The following DCDC2 variants were observed in gnomAD, a reference collection of about 807,000 sequenced individuals.
The protein encoded by DCDC2 is doublecortin domain containing 2.
A neutral mutation model predicts 50.2 loss-of-function variants in DCDC2; 40 were observed. The observed-to-expected ratio is 0.80, with a 90% confidence interval of 0.62 to 1.04. The LOEUF is 1.04. Among genes scored for constraint, DCDC2 ranks in the 50% least tolerant of loss-of-function variants. The pLI, the probability that DCDC2 is intolerant of heterozygous loss-of-function variation, is 0.00. For missense variants in DCDC2, 570 were observed against 581.9 expected (o/e 0.98, Z 0.21); for synonymous variants, 234 against 210.6 (o/e 1.11, Z -0.96).
chr6:24,190,737 T>C lies in DCDC2; in HGVS notation c.1024-12105A>G, dbSNP rs909805579. Among the ~76,000 whole-genome samples the C allele has an allele frequency of 6.6e-5, 10 of 152,344 alleles. No homozygotes were observed. The East Asian group carries it at 1.9e-3, about 29-fold the overall frequency. On this transcript the variant is annotated intron_variant, in intron 8 of 9. Transcript: ENST00000378454. ...ATAGATAAATTAAGAACTCTGATCA[T>C]TCTCATTCTAACCCTTCCAGCCATG...
chr6:24,359,223 T>TATATAA (rs1760589470), upstream of DCDC2, among the ~76,000 whole-genome samples: 5 of 63,216 alleles, frequency 7.9e-5, no homozygotes, highest in African/African-American at 1.6e-4. Flanking sequence ...ATTATATATT[T>TATATAA]TATATATTTT....
At chr6:24,287,442 G>T (rs145369668) in intron 6 of DCDC2, among the ~76,000 whole-genome samples, 257 of 152,256 alleles carry the variant, frequency 1.7e-3, no homozygotes, top group Non-Finnish European at 3.0e-3. Context: ...TGCAACCTCT[G>T]CCTTCAATGG....
chr6:24,311,556 G>C (rs564535028), intron 2 of DCDC2, among the ~76,000 whole-genome samples: 3 of 152,242 alleles, frequency 2.0e-5, no homozygotes, highest in East Asian at 3.9e-4. Context: ...TTCTAAGGTA[G>C]TTATTTTCTA....
At chr6:24,377,480 G>A in the DCDC2 span, among the ~76,000 whole-genome samples, 1 of 152,088 alleles carries the variant, frequency 6.6e-6, no homozygotes, top group Admixed American at 6.5e-5. Flanking sequence ...ATTTCATAAA[G>A]ATGGTCTCAA....
intron 2 of DCDC2, among the ~76,000 whole-genome samples, chr6:24,311,652 G>A (rs992642746): frequency 6.6e-6 from 1 of 152,086 alleles, no homozygotes; most frequent in African/African-American, 2.4e-5. Context: ...ACCTTATGAG[G>A]CTACCATTAC....
At chr6:24,285,844 T>C (rs1763594619) in intron 6 of DCDC2, among the ~76,000 whole-genome samples, 1 of 152,178 alleles carries the variant, frequency 6.6e-6, no homozygotes, top group South Asian at 2.1e-4. Context: ...ACTTTCCCTG[T>C]GACTTGGGAT....
the DCDC2 span, among the ~76,000 whole-genome samples, chr6:24,371,256 G>A: frequency 2.8e-3 from 397 of 139,698 alleles, 1 homozygote; most frequent in African/African-American, 0.01. Flanking sequence ...CAGCCTGGGC[G>A]ACAGTGTGAC....
At chr6:24,362,842 C>T (rs1042779953), upstream of DCDC2, among the ~76,000 whole-genome samples, 18 of 152,290 alleles carry the variant, frequency 1.2e-4, no homozygotes, top group African/African-American at 3.9e-4. Context: ...TTAACTGTGG[C>T]AGAGGAACAA....
chr6:24,343,780 A>G (rs561033308), intron 2 of DCDC2, among the ~76,000 whole-genome samples: 2 of 152,338 alleles, frequency 1.3e-5, no homozygotes, highest in South Asian at 4.1e-4. Flanking sequence ...TTTTGGTCAG[A>G]ATTTAAAAGA....
At chr6:24,220,927 A>AGAGTGAGCGAGC (rs1561895676) in intron 7 of DCDC2, among the ~76,000 whole-genome samples, 1 of 51,750 alleles carries the variant, frequency 1.9e-5, no homozygotes, top group African/African-American at 6.3e-5. Context: ...AGCGAGCGAG[A>AGAGTGAGCGAGC]GCACATGCAG....
intron 7 of DCDC2, among the ~76,000 whole-genome samples, chr6:24,264,156 A>G (rs1763068740): frequency 6.6e-6 from 1 of 152,208 alleles, no homozygotes; most frequent in Non-Finnish European, 1.5e-5. Flanking sequence ...TTCAAACATG[A>G]AGGAGAAATG....
At chr6:24,269,061 G>T (rs1186989361) in intron 7 of DCDC2, among the ~76,000 whole-genome samples, 6 of 152,222 alleles carry the variant, frequency 3.9e-5, no homozygotes, top group African/African-American at 1.4e-4. Context: ...TTGCAATAAA[G>T]GTTATATCTT....
At chr6:24,242,620 C>T (rs1034785928) in intron 7 of DCDC2, among the ~76,000 whole-genome samples, 5 of 152,154 alleles carry the variant, frequency 3.3e-5, no homozygotes, top group African/African-American at 1.2e-4. Flanking sequence ...GACAGACTGT[C>T]ACAGAGCACA....
intron 2 of DCDC2, among the ~76,000 whole-genome samples, chr6:24,310,757 G>A (rs2113844881): frequency 6.6e-6 from 1 of 152,268 alleles, no homozygotes; most frequent in East Asian, 1.9e-4. Context: ...AGTCAGCAGA[G>A]TCACTAAAAC....
chr6:24,232,191 G>A (rs1376385893), intron 7 of DCDC2, among the ~76,000 whole-genome samples: 1 of 152,088 alleles, frequency 6.6e-6, no homozygotes, highest in Non-Finnish European at 1.5e-5. Flanking sequence ...TGTTTTTAAA[G>A]ATTTATTCAC....
chr6:24,372,581 C>T, the DCDC2 span, among the ~76,000 whole-genome samples: 9 of 152,142 alleles, frequency 5.9e-5, no homozygotes, highest in Admixed American at 3.9e-4. Flanking sequence ...GAATACTGTG[C>T]AGCCATAAAA....
intron 1 of DCDC2, among the ~76,000 whole-genome samples, chr6:24,354,222 G>A (rs1760425025): frequency 6.6e-6 from 1 of 152,132 alleles, no homozygotes; most frequent in African/African-American, 2.4e-5. Context: ...TTCTTTAGCT[G>A]TTACATAAGC....
At chr6:24,251,508 G>A (rs376024520) in intron 7 of DCDC2, among the ~76,000 whole-genome samples, 2 of 152,116 alleles carry the variant, frequency 1.3e-5, no homozygotes, top group African/African-American at 4.8e-5. Flanking sequence ...AGAACTCTGC[G>A]GGAGCCCTTC....
chr6:24,301,993 G>T lies in DCDC2; in HGVS notation c.400C>A (p.Pro134Thr), dbSNP rs1759385724. Reference sequence around the variant, plus strand: ...AAGATAGTGCACGGCTCCTGAAGCGGTTTTCTAAAGCGAGCTGACACGTTG... The same window carrying T: ...AAGATAGTGCACGGCTCCTGAAGCGTTTTTCTAAAGCGAGCTGACACGTTG... ...RINVSARFRK[P>T]LQEPCTIFLI... The change falls in exon 3 of 10, where the codon CCG (proline) becomes ACG (threonine). Residue 134 changes from proline to threonine, a missense_variant. Physicochemically the swap from Pro to Thr is conservative, Grantham distance 38. Transcript: ENST00000378454. The T allele has an allele frequency of 6.2e-7, 1 of 1,613,912 alleles. No homozygotes were observed.
Sources: gnomAD v4.1 joint callset for allele counts (sites outside exome capture counted in the v4.1 genomes callset) on GRCh38, gnomAD v4.1.1 for gene constraint, MANE v1.5 for transcripts, NCBI Gene and HGNC (gene_info 2026-07-23, HGNC 2026-07-21) for gene names.